Variants in RPS6KA2 observed in about 807,000 individuals in gnomAD.
The protein encoded by RPS6KA2 is ribosomal protein S6 kinase alpha-2.
In RPS6KA2, 42 loss-of-function variants were observed where a neutral mutation model predicts 91.8. That is an observed-to-expected ratio of 0.46 (90% CI 0.36 to 0.59). RPS6KA2 has a LOEUF of 0.59. Among genes scored for constraint, RPS6KA2 ranks in the 20% least tolerant of loss-of-function variants. RPS6KA2 has a pLI of 0.00. For synonymous variants in RPS6KA2, 414 were observed against 393.6 expected (o/e 1.05, Z -0.61); for missense variants, 798 against 978.5 (o/e 0.82, Z 2.46).
At chr6:166,845,925 G>T (rs955139309) in intron 2 of RPS6KA2, among the ~76,000 whole-genome samples, 2 of 151,938 alleles carry the variant, frequency 1.3e-5, no homozygotes, top group African/African-American at 4.8e-5. Context: ...CAAAAAGCTG[G>T]TTCTTTGAAA....
At chr6:166,629,206 G>A (rs1304511363), upstream of RPS6KA2, among the ~76,000 whole-genome samples, 1 of 152,220 alleles carries the variant, frequency 6.6e-6, no homozygotes, top group Non-Finnish European at 1.5e-5. Context: ...CTCGGAAGGG[G>A]AGCCAGTAAT....
chr6:166,446,058 G>A (rs1779669303), intron 14 of RPS6KA2, among the ~76,000 whole-genome samples: 1 of 152,258 alleles, frequency 6.6e-6, no homozygotes, highest in African/African-American at 2.4e-5. Flanking sequence ...ACCTGGAAAT[G>A]CTGAAAACAA....
intron 3 of RPS6KA2, among the ~76,000 whole-genome samples, chr6:166,510,836 G>T (rs1383406259): frequency 1.3e-5 from 2 of 151,776 alleles, no homozygotes; most frequent in Non-Finnish European, 2.9e-5. Context: ...AATTATATTG[G>T]TTGTTAAATG....
chr6:166,603,104 CTGTTAAG>C lies in RPS6KA2; in HGVS notation c.99+23810_99+23816del, dbSNP rs907381970. On this transcript the variant is annotated intron_variant, in intron 1 of 20. Coordinates refer to ENST00000265678, the MANE Select transcript of RPS6KA2 (RefSeq NM_021135.6). The surrounding 1 kb of genome is among the most constrained non-coding windows in gnomAD (Gnocchi z 4.3). The stretch of plus-strand genomic sequence containing the variant: ...TGTAAACATTCACTTACATCTGCAT[CTGTTAAG>C]TGTTAAGTTCTGACATGAGCTTAGT... Among the ~76,000 whole-genome samples the C allele has an allele frequency of 2.0e-5, 3 of 152,228 alleles. No homozygotes were observed. Among genetic ancestry groups the C allele is most frequent in the Non-Finnish European group, 2.9e-5 (2 of 68,040 alleles).
At chr6:166,456,175 A>G (rs1780100137) in intron 12 of RPS6KA2, among the ~76,000 whole-genome samples, 3 of 152,214 alleles carry the variant, frequency 2.0e-5, no homozygotes, top group African/African-American at 7.2e-5. Flanking sequence ...CTCTCCTCAC[A>G]CAGACCAAGG....
At chr6:166,624,476 C>A (rs117998310) in intron 1 of RPS6KA2, among the ~76,000 whole-genome samples, 1 of 152,124 alleles carries the variant, frequency 6.6e-6, no homozygotes, top group Admixed American at 6.5e-5. Flanking sequence ...AACACACAAA[C>A]GAACAGGCAG....
At position 166,557,298 on chromosome 6, in the gene RPS6KA2, C is replaced by T. The variant is rs932950880; in HGVS notation, c.100-18514G>A. 2.6e-5 allele frequency among the ~76,000 whole-genome samples: 4 copies of T among 152,224 alleles called. No homozygotes were observed. Among genetic ancestry groups the T allele is most frequent in the African/African-American group, 9.6e-5 (4 of 41,460 alleles). ...GGGCGCGGAGCATGCTTCCCAAGAA[C>T]AGCCCGCAGGGAAGACGCCCAAAAC... On this transcript the variant is annotated intron_variant, in intron 1 of 20. Transcript: ENST00000265678. This position sits in a 1 kb window ranked among gnomAD's most constrained non-coding sequence, Gnocchi z 4.8.
intron 2 of RPS6KA2, among the ~76,000 whole-genome samples, chr6:166,657,114 C>A (rs1465286226): frequency 6.6e-6 from 1 of 152,132 alleles, no homozygotes; most frequent in Non-Finnish European, 1.5e-5. Context: ...CTGCGGAGCA[C>A]CAGCCGCACC....
At position 166,607,782 on chromosome 6, in the gene RPS6KA2, G is replaced by T. The variant is rs983969199; in HGVS notation, c.99+19139C>A. ...GATCTCAAAGCTGTATGCAAAAACA[G>T]AAACAAAATGTTATGGCATTCAGGG... On this transcript the variant is annotated intron_variant, in intron 1 of 20. Transcript: ENST00000265678. Among the ~76,000 whole-genome samples, 3 of 152,322 alleles carry T rather than the reference G, an allele frequency of 2.0e-5. No individual in the cohort carries two copies. In the East Asian group the frequency reaches 5.8e-4, roughly 29 times the overall value.
At position 166,626,896 on chromosome 6, in the gene RPS6KA2, C is replaced by A; in HGVS notation, c.99+25G>T. The A allele has an allele frequency of 1.4e-6, 2 of 1,465,958 alleles. No homozygotes were observed. The highest frequency in any genetic ancestry group is 2.2e-5 in the Admixed American group (1 of 44,678). 90.8% of individuals were successfully genotyped at this position (1,465,958 alleles called of 1,614,324 possible). A position where few individuals can be genotyped will look rare whatever the true frequency, so the allele number is the denominator to read the frequency against. ...CGGCCCGCTCAGTGCCCGGCACCTG[C>A]GCGCCCCGAGGGCGGCCGCATTACC... On this transcript the variant is annotated intron_variant, in intron 1 of 20. Coordinates refer to ENST00000265678, the MANE Select transcript of RPS6KA2 (RefSeq NM_021135.6). The surrounding 1 kb of genome is among the most constrained non-coding windows in gnomAD (Gnocchi z 4.1).
In RPS6KA2 at chr6:166,504,523, T is replaced by G; in HGVS notation, c.549A>C (p.Arg183Ser). 1 of 1,610,626 alleles carries G rather than the reference T, an allele frequency of 6.2e-7. No homozygotes were observed. Among genetic ancestry groups the G allele is most frequent in the Non-Finnish European group, 8.5e-7 (1 of 1,178,126 alleles). The change falls in exon 6 of 21, where the codon AGA becomes AGC. Residue 183 changes from arginine (R) to serine (S), a missense_variant. Arg to Ser is a moderately radical substitution (Grantham distance 110). Transcript: ENST00000265678. ...DHLHSLGIIY[R>S]DLKPENILLD... ...TCACTTACTTCTCAGGCTTCAGATCTCTGTAGATGATCCCCAGGCTGTGGA... is the reference window on the plus strand; with the variant it reads ...TCACTTACTTCTCAGGCTTCAGATCGCTGTAGATGATCCCCAGGCTGTGGA...
intron 1 of RPS6KA2, among the ~76,000 whole-genome samples, chr6:166,543,793 C>A (rs1177201286): frequency 6.7e-6 from 1 of 149,842 alleles, no homozygotes; most frequent in African/African-American, 2.5e-5. Flanking sequence ...AGAGGCCCAT[C>A]CATCACAGGC....
In RPS6KA2 at chr6:166,412,690, C is replaced by T. The variant is rs961186400; in HGVS notation, c.*72G>A. 26 of 1,446,420 alleles carry T rather than the reference C, an allele frequency of 1.8e-5. No individual in the cohort carries two copies. The highest frequency in any genetic ancestry group is 2.3e-5 in the Non-Finnish European group (25 of 1,080,444). 89.6% of individuals were successfully genotyped at this position (1,446,420 alleles called of 1,614,324 possible). ...ACTTGTGGTCACTCTGGGTGCCAGA[C>T]GGGCTCCGAGGCCGGGGTCTGTGAG... On this transcript the variant is annotated 3_prime_UTR_variant, in exon 21 of 21. Coordinates refer to ENST00000265678, the MANE Select transcript of RPS6KA2 (RefSeq NM_021135.6). The surrounding 1 kb of genome is among the most constrained non-coding windows in gnomAD (Gnocchi z 4.3).
At chr6:166,647,881 CACACAT>C (rs1787679579) in intron 2 of RPS6KA2, among the ~76,000 whole-genome samples, 1 of 144,824 alleles carries the variant, frequency 6.9e-6, no homozygotes, top group African/African-American at 2.7e-5. Flanking sequence ...CACATGCTGA[CACACAT>C]ACATACACAC....
At chr6:166,562,182 A>C (rs1784366008) in intron 1 of RPS6KA2, among the ~76,000 whole-genome samples, 1 of 151,954 alleles carries the variant, frequency 6.6e-6, no homozygotes, top group African/African-American at 2.4e-5. Flanking sequence ...AAAATCCACC[A>C]TCTGAGAGGC....
chr6:166,441,014 A>G (rs1583138497), intron 14 of RPS6KA2, among the ~76,000 whole-genome samples: 1 of 152,214 alleles, frequency 6.6e-6, no homozygotes, highest in Non-Finnish European at 1.5e-5. Flanking sequence ...CACAGGCTGG[A>G]CAGAGCATCT....
At chr6:166,531,984 A>C (rs1783294738) in intron 2 of RPS6KA2, among the ~76,000 whole-genome samples, 1 of 152,264 alleles carries the variant, frequency 6.6e-6, no homozygotes, top group African/African-American at 2.4e-5. Context: ...GTATAAAAAA[A>C]AAAACTTCCA....
intron 1 of RPS6KA2, among the ~76,000 whole-genome samples, chr6:166,607,721 C>T (rs988725216): frequency 2.6e-5 from 4 of 152,136 alleles, no homozygotes; most frequent in African/African-American, 9.7e-5. Context: ...TGGAATTGTA[C>T]ATTTTAAATG....
At chr6:166,816,554 CAA>C (rs762549959) in intron 2 of RPS6KA2, among the ~76,000 whole-genome samples, 3 of 137,932 alleles carry the variant, frequency 2.2e-5, no homozygotes, top group Admixed American at 7.3e-5. Context: ...GACTCCATCT[CAA>C]AAAAAAAAAA....
Sources: gnomAD v4.1 joint callset for allele counts (sites outside exome capture counted in the v4.1 genomes callset) on GRCh38, gnomAD v4.1.1 for gene constraint, Gnocchi (gnomAD v3.1) non-coding constraint, MANE v1.5 for transcripts, NCBI Gene and HGNC (gene_info 2026-07-23, HGNC 2026-07-21) for gene names.